Variants in KDM4C observed in about 807,000 individuals in gnomAD.
KDM4C encodes lysine demethylase 4C, also known as lysine-specific demethylase 4C.
KDM4C carries 81 observed loss-of-function variants against 129.3 expected under a neutral mutation model. That is an observed-to-expected ratio of 0.63 (90% CI 0.52 to 0.75). The LOEUF (loss-of-function observed/expected upper bound fraction) is 0.75, where lower values mean the gene tolerates loss of function less well. Ranked by LOEUF, KDM4C falls within the 30% of genes least tolerant of loss-of-function variation. KDM4C has a pLI of 0.00. For synonymous variants in KDM4C, 573 were observed against 456.1 expected (o/e 1.26, Z -3.26); for missense variants, 1,457 against 1,304.0 (o/e 1.12, Z -1.81).
chr9:6,873,388 C>CTT (rs1843060072), intron 5 of KDM4C, among the ~76,000 whole-genome samples: 3 of 152,174 alleles, frequency 2.0e-5, no homozygotes, highest in Admixed American at 6.5e-5. Flanking sequence ...AAGGAGGTTT[C>CTT]CTCCACATTG....
At chr9:7,033,665 T>A (rs1249753645) in intron 15 of KDM4C, among the ~76,000 whole-genome samples, 1 of 152,248 alleles carries the variant, frequency 6.6e-6, no homozygotes, top group East Asian at 1.9e-4. Context: ...CCCCCACCTC[T>A]GCTCTGTAAT....
chr9:7,134,017 C>G (rs1292280519), intron 19 of KDM4C, among the ~76,000 whole-genome samples: 2 of 152,164 alleles, frequency 1.3e-5, no homozygotes, highest in Admixed American at 1.3e-4. Context: ...CTGTCCCATC[C>G]CAGACCATTT....
chr9:7,071,444 G>T (rs1449182003), intron 17 of KDM4C, among the ~76,000 whole-genome samples: 1 of 152,098 alleles, frequency 6.6e-6, no homozygotes, highest in Admixed American at 6.5e-5. Context: ...ATAGACATAT[G>T]TAACAATAGA....
chr9:7,040,369 C>CTG (rs527776913), intron 15 of KDM4C, among the ~76,000 whole-genome samples: 2,916 of 100,336 alleles, frequency 0.029, 99 homozygotes, highest in African/African-American at 0.088. Flanking sequence ...CTACCCCACT[C>CTG]TGTGTGTGTG....
At chr9:7,041,874 G>A (rs1490215447) in intron 15 of KDM4C, among the ~76,000 whole-genome samples, 1 of 151,974 alleles carries the variant, frequency 6.6e-6, no homozygotes, top group African/African-American at 2.4e-5. Context: ...TAAGAACTAT[G>A]GAATATCTTT....
At chr9:7,143,155 C>T (rs1285515518) in intron 19 of KDM4C, among the ~76,000 whole-genome samples, 3 of 152,212 alleles carry the variant, frequency 2.0e-5, no homozygotes, top group Non-Finnish European at 4.4e-5. Context: ...CTTTCAGGTG[C>T]CCACTTACCC....
intron 19 of KDM4C, among the ~76,000 whole-genome samples, chr9:7,143,598 G>T (rs906782198): frequency 6.6e-6 from 1 of 152,168 alleles, no homozygotes; most frequent in Admixed American, 6.5e-5. Flanking sequence ...TCTAACAATG[G>T]TGTGTTATCT....
intron 5 of KDM4C, among the ~76,000 whole-genome samples, chr9:6,863,211 T>C (rs1372597300): frequency 1.3e-5 from 2 of 152,084 alleles, no homozygotes; most frequent in African/African-American, 2.4e-5. Flanking sequence ...TTAATTTACA[T>C]GTTTTAATAT....
At chr9:7,079,920 C>G (rs1834341528) in intron 17 of KDM4C, among the ~76,000 whole-genome samples, 1 of 152,082 alleles carries the variant, frequency 6.6e-6, no homozygotes. Flanking sequence ...TCCTTTCCCA[C>G]AACTTCTTTT....
chr9:6,866,070 A>G (rs774646523), intron 5 of KDM4C, among the ~76,000 whole-genome samples: 1 of 151,816 alleles, frequency 6.6e-6, no homozygotes, highest in African/African-American at 2.4e-5. Context: ...TTTTAGTTAG[A>G]GACAGGGTTT....
intron 17 of KDM4C, among the ~76,000 whole-genome samples, chr9:7,052,894 A>AGAGCGAGAGAGC (rs1554718519): frequency 1.9e-5 from 2 of 105,468 alleles, no homozygotes; most frequent in East Asian, 2.6e-4. Context: ...AGAGAGAGAG[A>AGAGCGAGAGAGC]GAGAGAGCGA....
At chr9:6,895,903 A>G (rs908856048) in intron 8 of KDM4C, among the ~76,000 whole-genome samples, 1 of 152,202 alleles carries the variant, frequency 6.6e-6, no homozygotes, top group African/African-American at 2.4e-5. Context: ...TAATATTTTC[A>G]TGTCTATTCT....
intron 1 of KDM4C, among the ~76,000 whole-genome samples, chr9:6,729,260 G>T (rs1480966325): frequency 1.6e-5 from 2 of 125,776 alleles, no homozygotes; most frequent in Non-Finnish European, 3.2e-5. Context: ...AAGAAACAGG[G>T]CCAGACGTTG....
rs187598949 is a variant in KDM4C, at chr9:6,807,234, A to G, written c.320+1460A>G. On this transcript the variant is annotated intron_variant, in intron 3 of 21. Transcript: ENST00000381309. Reference sequence around the variant, plus strand: ...GAGTGCAGTGGCGTGATCTCGGCTCACTATAACCTCCCAGCCGCCTGCCTT... The same window carrying G: ...GAGTGCAGTGGCGTGATCTCGGCTCGCTATAACCTCCCAGCCGCCTGCCTT... 8.3e-3 allele frequency among the ~76,000 whole-genome samples: 1,257 copies of G among 152,154 alleles called. 22 individuals are homozygous for G. Among genetic ancestry groups the G allele is most frequent in the African/African-American group, 0.029 (1,185 of 41,446 alleles).
intron 5 of KDM4C, among the ~76,000 whole-genome samples, chr9:6,875,219 C>G (rs751805062): frequency 5.3e-5 from 8 of 152,160 alleles, no homozygotes; most frequent in Non-Finnish European, 8.8e-5. Flanking sequence ...TACAGAATAT[C>G]TGTTCTTCTG....
intron 15 of KDM4C, among the ~76,000 whole-genome samples, chr9:7,036,965 T>G (rs1207582288): frequency 6.6e-6 from 1 of 152,230 alleles, no homozygotes; most frequent in African/African-American, 2.4e-5. Flanking sequence ...AATTTCCATT[T>G]AAAAGGTACT....
intron 19 of KDM4C, among the ~76,000 whole-genome samples, chr9:7,156,144 T>G (rs1332852428): frequency 6.6e-6 from 1 of 152,258 alleles, no homozygotes; most frequent in East Asian, 1.9e-4. Flanking sequence ...GTTGGCTGCA[T>G]AAGTGTCTTC....
intron 1 of KDM4C, among the ~76,000 whole-genome samples, chr9:6,742,543 C>G (rs1479248496): frequency 6.7e-6 from 1 of 150,174 alleles, no homozygotes; most frequent in African/African-American, 2.5e-5. Flanking sequence ...AAATTTTTAG[C>G]CATTGTTTCT....
At chr9:6,893,396 C>T in intron 8 of KDM4C, 164 bp downstream of exon 8, 1 of 438,572 alleles carries the variant, frequency 2.3e-6, no homozygotes, top group South Asian at 6.6e-5. Context: ...TTTTACATAG[C>T]CAATATTACC....
Sources: allele counts gnomAD v4.1 joint callset (sites outside exome capture counted in the v4.1 genomes callset), GRCh38; gene constraint gnomAD v4.1.1; transcripts MANE v1.5; gene names NCBI Gene and HGNC (gene_info 2026-07-23, HGNC 2026-07-21).